B3GALT1: variants seen among roughly 807,000 people sequenced by gnomAD.
B3GALT1 encodes beta-1,3-galactosyltransferase 1.
B3GALT1 carries 10 observed loss-of-function variants against 23.2 expected under a neutral mutation model. The ratio of observed to expected loss-of-function variants is 0.43; its 90% CI spans 0.27 to 0.73. B3GALT1 has a LOEUF of 0.73. B3GALT1 is among the 30% of genes least tolerant of loss of function. The pLI is 0.21. For synonymous variants in B3GALT1, 156 were observed against 141.5 expected, an observed-to-expected ratio of 1.10 and a Z score of -0.73; for missense variants, 299 against 405.4, an observed-to-expected ratio of 0.74 and a Z score of 2.25.
intron 3 of B3GALT1, among the ~76,000 whole-genome samples, chr2:167,812,587 G>A (rs1425997995): frequency 6.6e-6 from 1 of 152,142 alleles, no homozygotes; most frequent in East Asian, 1.9e-4. Context: ...AAGGCTCATG[G>A]TATACCAGAT....
At chr2:167,840,613 T>G (rs1451400116) in intron 4 of B3GALT1, among the ~76,000 whole-genome samples, 2 of 149,946 alleles carry the variant, frequency 1.3e-5, no homozygotes, top group African/African-American at 2.5e-5. Flanking sequence ...TGGAAGTCAG[T>G]GTGGCGATTC....
At chr2:167,858,253 A>G (rs760981594) in intron 4 of B3GALT1, among the ~76,000 whole-genome samples, 21 of 151,560 alleles carry the variant, frequency 1.4e-4, no homozygotes, top group Non-Finnish European at 2.5e-4. Flanking sequence ...ACTTTTTAAT[A>G]TAGGCTCTGT....
intron 3 of B3GALT1, among the ~76,000 whole-genome samples, chr2:167,733,068 CG>C (rs1394740838): frequency 6.6e-6 from 1 of 152,124 alleles, no homozygotes; most frequent in Non-Finnish European, 1.5e-5. Flanking sequence ...ATCTAACCAT[CG>C]GGGGTTTATC....
At chr2:167,444,600 T>G (rs1199571254) in intron 1 of B3GALT1, among the ~76,000 whole-genome samples, 1 of 152,200 alleles carries the variant, frequency 6.6e-6, no homozygotes, top group Non-Finnish European at 1.5e-5. Flanking sequence ...CTTGGGAGGG[T>G]GCATGTGTCC....
intron 1 of B3GALT1, among the ~76,000 whole-genome samples, chr2:167,418,855 C>G (rs966306570): frequency 1.3e-5 from 2 of 152,076 alleles, no homozygotes; most frequent in Non-Finnish European, 2.9e-5. Flanking sequence ...TTTCTTCTCT[C>G]TTTTCCACCC....
At chr2:167,662,628 C>A (rs1686080921) in intron 3 of B3GALT1, among the ~76,000 whole-genome samples, 1 of 152,114 alleles carries the variant, frequency 6.6e-6, no homozygotes, top group African/African-American at 2.4e-5. Flanking sequence ...CAAAAAGATC[C>A]TGTTAACATC....
chr2:167,523,445 A>T (rs1683153945), intron 2 of B3GALT1, among the ~76,000 whole-genome samples: 1 of 145,882 alleles, frequency 6.9e-6, no homozygotes, highest in African/African-American at 2.6e-5. Context: ...TTTTTTTGAG[A>T]CGGAGTTTTT....
intron 1 of B3GALT1, among the ~76,000 whole-genome samples, chr2:167,341,181 G>T (rs1332576147): frequency 6.6e-6 from 1 of 152,078 alleles, no homozygotes. Flanking sequence ...TTAGACTATG[G>T]AAACAAAAGT....
chr2:167,334,016 T>C (rs73015869), intron 1 of B3GALT1, among the ~76,000 whole-genome samples: 2,031 of 152,328 alleles, frequency 0.013, 27 homozygotes, highest in Admixed American at 0.035. Context: ...TTATAAACTT[T>C]TATTCAAGTT....
chr2:167,695,678 A>T (rs935211525), intron 3 of B3GALT1, among the ~76,000 whole-genome samples: 3 of 152,192 alleles, frequency 2.0e-5, no homozygotes, highest in Admixed American at 6.6e-5. Context: ...ATTCTTTCAG[A>T]TACAGGTCAG....
At chr2:167,821,929 A>G (rs1689116149) in intron 4 of B3GALT1, among the ~76,000 whole-genome samples, 1 of 152,214 alleles carries the variant, frequency 6.6e-6, no homozygotes, top group African/African-American at 2.4e-5. Flanking sequence ...AAAGTTGGGA[A>G]GGGGAAAGGA....
chr2:167,756,677 G>A (rs1000710139), intron 3 of B3GALT1, among the ~76,000 whole-genome samples: 2 of 152,176 alleles, frequency 1.3e-5, no homozygotes, highest in African/African-American at 2.4e-5. Context: ...TCACATCACC[G>A]CTTTCTGTTG....
intron 3 of B3GALT1, among the ~76,000 whole-genome samples, chr2:167,666,246 G>T (rs1328379451): frequency 2.0e-5 from 3 of 152,196 alleles, no homozygotes; most frequent in African/African-American, 4.8e-5. Flanking sequence ...CAGTTTCCAT[G>T]TAGTTGAGCG....
At chr2:167,680,714 T>C (rs997763599) in intron 3 of B3GALT1, among the ~76,000 whole-genome samples, 9 of 152,194 alleles carry the variant, frequency 5.9e-5, no homozygotes, top group Non-Finnish European at 1.2e-4. Flanking sequence ...CTGTTGAAAA[T>C]GTAGCACTAG....
chr2:167,550,868 A>C (rs993641812), intron 2 of B3GALT1, among the ~76,000 whole-genome samples: 3 of 152,134 alleles, frequency 2.0e-5, no homozygotes, highest in African/African-American at 7.2e-5. Context: ...AAAAACCACC[A>C]ATTTCAGTGA....
rs1248795454 is a variant in B3GALT1 at position 167,774,496 on chromosome 2, TG to T, written c.-351-44175del. On this transcript the variant is annotated intron_variant, in intron 3 of 4. Coordinates refer to ENST00000392690, the MANE Select transcript of B3GALT1 (RefSeq NM_020981.4). ...GGTTTTTTTTTTTTGTTTTTTTTTTTGTTTTTTTTTTTTTTTTTGGAGACAG... is the reference window on the plus strand; with the variant it reads ...GGTTTTTTTTTTTTGTTTTTTTTTTTTTTTTTTTTTTTTTTTTGGAGACAG... 1.8e-3 allele frequency among the ~76,000 whole-genome samples: 147 copies of T among 83,396 alleles called. 1 individual carries two copies. Among genetic ancestry groups the T allele is most frequent in the Non-Finnish European group, 2.2e-3 (104 of 48,246 alleles). 54.7% of individuals were successfully genotyped at this position (83,396 alleles called of 152,430 possible). A position where few individuals can be genotyped will look rare whatever the true frequency, so the allele number is the denominator to read the frequency against.
Position 167,516,217 on chromosome 2 carries a change from T to G in B3GALT1, c.-410+25940T>G, listed in dbSNP as rs1700098489. 2.0e-5 allele frequency among the ~76,000 whole-genome samples: 3 copies of G among 152,088 alleles called. No homozygotes were observed. The South Asian group carries it at 6.2e-4, about 31-fold the overall frequency. On this transcript the variant is annotated intron_variant, in intron 2 of 4. Coordinates refer to ENST00000392690, the MANE Select transcript of B3GALT1 (RefSeq NM_020981.4). ...TGCTAAGAGATATTTGTCATCTGCC[T>G]TTTGCTTTCTATCAGGCCCTTGTGA...
At chr2:167,732,757 T>A (rs930175280) in intron 3 of B3GALT1, among the ~76,000 whole-genome samples, 1 of 152,224 alleles carries the variant, frequency 6.6e-6, no homozygotes, top group African/African-American at 2.4e-5. Flanking sequence ...AGTAGTGGCA[T>A]TCTGGTAACA....
intron 4 of B3GALT1, among the ~76,000 whole-genome samples, chr2:167,840,979 A>G (rs965030275): frequency 2.1e-5 from 3 of 141,222 alleles, no homozygotes; most frequent in African/African-American, 8.0e-5. Context: ...GAACAATGAG[A>G]ACACATGGAC....
Sources: allele counts gnomAD v4.1 joint callset (sites outside exome capture counted in the v4.1 genomes callset), GRCh38; gene constraint gnomAD v4.1.1; transcripts MANE v1.5; gene names NCBI Gene and HGNC (gene_info 2026-07-23, HGNC 2026-07-21).